The following GREM2 variants were observed in gnomAD, a reference collection of about 807,000 sequenced individuals.
GREM2 encodes the protein gremlin 2, DAN family BMP antagonist.
In GREM2, 11 loss-of-function variants were observed where a neutral mutation model predicts 14.2. That is an observed-to-expected ratio of 0.78 (90% CI 0.49 to 1.28). GREM2 has a LOEUF of 1.28. GREM2 is among the 50% of genes most tolerant of loss of function. GREM2 has a pLI of 0.00. For missense variants in GREM2, 210 were observed against 218.5 expected (o/e 0.96, Z 0.24); for synonymous variants, 98 against 97.6 (o/e 1.00, Z -0.02).
chr1:240,530,892 A>G (rs190834576), intron 1 of GREM2: 2 of 121,514 alleles, frequency 1.6e-5, no homozygotes, highest in African/African-American at 5.8e-5. Context: ...ATAGTAAAAA[A>G]CGAAGGAAAT....
At chr1:240,570,275 A>G (rs956770053) in intron 1 of GREM2, among the ~76,000 whole-genome samples, 21 of 152,154 alleles carry the variant, frequency 1.4e-4, no homozygotes, top group Non-Finnish European at 1.3e-4. Flanking sequence ...CATCCTGGCC[A>G]ACATGGTGAA....
chr1:240,565,363 G>A (rs1197364664), intron 1 of GREM2, among the ~76,000 whole-genome samples: 2 of 152,098 alleles, frequency 1.3e-5, no homozygotes, highest in Non-Finnish European at 2.9e-5. Flanking sequence ...GCCAAAATTT[G>A]ACTGTAACAT....
intron 1 of GREM2, chr1:240,590,636 G>C (rs1216399552): frequency 6.6e-6 from 1 of 151,650 alleles, no homozygotes; most frequent in Non-Finnish European, 1.5e-5. Flanking sequence ...ACCATGTTGG[G>C]CAGGTGACCA....
intron 1 of GREM2, among the ~76,000 whole-genome samples, chr1:240,607,741 C>T (rs527750019): frequency 6.6e-6 from 1 of 152,322 alleles, no homozygotes; most frequent in South Asian, 2.1e-4. Context: ...ATCAAATCCA[C>T]TCCTGTGGAT....
At position 240,540,270 on chromosome 1, in the gene GREM2, C is replaced by G. The variant is rs951078970; in HGVS notation, c.-1-46794G>C. 1.3e-5 allele frequency among the ~76,000 whole-genome samples: 2 copies of G among 152,130 alleles called. No homozygotes were observed. The highest frequency in any genetic ancestry group is 2.9e-5 in the Non-Finnish European group (2 of 68,026). On this transcript the variant is annotated intron_variant, in intron 1 of 1. Coordinates refer to ENST00000318160, the MANE Select transcript of GREM2 (RefSeq NM_022469.4). This position sits in a 1 kb window ranked among gnomAD's most constrained non-coding sequence, Gnocchi z 4.2. Reference sequence around the variant, plus strand: ...ATTTGCTAGCTTTCTACTAATTGCCCTAATTTTCTTTGTCTAGACTAACTT... The same window carrying G: ...ATTTGCTAGCTTTCTACTAATTGCCGTAATTTTCTTTGTCTAGACTAACTT...
intron 1 of GREM2, among the ~76,000 whole-genome samples, chr1:240,597,829 T>TTG (rs936581291): frequency 6.6e-6 from 1 of 152,170 alleles, no homozygotes; most frequent in Non-Finnish European, 1.5e-5. Flanking sequence ...CCCAAGTTGC[T>TTG]CATCTTTTCA....
At chr1:240,580,196 G>C (rs1260219030) in intron 1 of GREM2, among the ~76,000 whole-genome samples, 1 of 152,102 alleles carries the variant, frequency 6.6e-6, no homozygotes, top group East Asian at 1.9e-4. Flanking sequence ...TTCGAGACCA[G>C]CCTGGACCAC....
chr1:240,529,183 G>A (rs1678294116), intron 1 of GREM2, among the ~76,000 whole-genome samples: 1 of 147,082 alleles, frequency 6.8e-6, no homozygotes, highest in Admixed American at 6.8e-5. Context: ...ACCCAATGAT[G>A]TCATTAAAAT....
chr1:240,559,816 C>T (rs1326575274), intron 1 of GREM2, among the ~76,000 whole-genome samples: 1 of 152,148 alleles, frequency 6.6e-6, no homozygotes, highest in Non-Finnish European at 1.5e-5. Flanking sequence ...CTCCCAAATG[C>T]TCATATTGGA....
rs371694788 is a variant in GREM2, at chr1:240,493,446, G to C, written c.30C>G (p.Phe10Leu). 2 of 1,610,380 alleles carry C rather than the reference G, an allele frequency of 1.2e-6. No homozygotes were observed. The highest frequency in any genetic ancestry group is 1.3e-5 in the African/African-American group (1 of 75,034). Residue 10 changes from phenylalanine (F) to leucine (L), a missense_variant, in exon 2 of 2, where the codon TTC (phenylalanine) becomes TTG (leucine). Phe to Leu is a conservative substitution (Grantham distance 22, BLOSUM62 0). Coordinates refer to ENST00000318160, the MANE Select transcript of GREM2 (RefSeq NM_022469.4). ...CCACCTTCACCAGCACCGCCACCAG[G>C]AACAAGGACAGGGAAAGCTTCCAGA... The part of the protein sequence containing the change: MFWKLSLSL[F>L]LVAVLVKVAE...
chr1:240,571,135 T>C (rs997820600), intron 1 of GREM2, among the ~76,000 whole-genome samples: 1 of 152,212 alleles, frequency 6.6e-6, no homozygotes, highest in East Asian at 1.9e-4. Flanking sequence ...TTCTACTTCA[T>C]GTAAAAAAAC....
chr1:240,605,747 C>T (rs1680012705), intron 1 of GREM2, among the ~76,000 whole-genome samples: 1 of 151,788 alleles, frequency 6.6e-6, no homozygotes, highest in Non-Finnish European at 1.5e-5. Flanking sequence ...AGCGTGCATT[C>T]CAGGTTGTTA....
At chr1:240,593,571 C>T (rs889544394) in intron 1 of GREM2, among the ~76,000 whole-genome samples, 2 of 152,138 alleles carry the variant, frequency 1.3e-5, no homozygotes, top group African/African-American at 2.4e-5. Context: ...TAATCAGCAA[C>T]GTATGTGTCA....
At chr1:240,584,494 C>CA (rs35785335) in intron 1 of GREM2, among the ~76,000 whole-genome samples, 1,323 of 73,278 alleles carry the variant, frequency 0.018, 15 homozygotes, top group Middle Eastern at 0.034. Flanking sequence ...GACTCCATCT[C>CA]AAAAAAAAAA....
chr1:240,607,041 A>C (rs1680039541), intron 1 of GREM2, among the ~76,000 whole-genome samples: 1 of 152,204 alleles, frequency 6.6e-6, no homozygotes, highest in African/African-American at 2.4e-5. Flanking sequence ...AGTCTTAGTA[A>C]TGTCATCTGT....
intron 1 of GREM2, among the ~76,000 whole-genome samples, chr1:240,564,413 C>A (rs1035543091): frequency 2.7e-5 from 4 of 150,576 alleles, no homozygotes; most frequent in African/African-American, 9.8e-5. Flanking sequence ...GAGGCTGAAG[C>A]AGGAGGATCA....
intron 1 of GREM2, among the ~76,000 whole-genome samples, chr1:240,539,715 A>G (rs1678545667): frequency 1.3e-5 from 2 of 152,210 alleles, no homozygotes; most frequent in Admixed American, 6.5e-5. Context: ...TTGACTCCTC[A>G]TGTTCAACTC....
intron 1 of GREM2, among the ~76,000 whole-genome samples, chr1:240,525,572 G>A (rs1339447366): frequency 6.6e-6 from 1 of 151,922 alleles, no homozygotes; most frequent in Non-Finnish European, 1.5e-5. Context: ...TCCGCCTCCC[G>A]GGTTCAAGCG....
At chr1:240,547,499 C>CAAAAAA (rs200373636) in intron 1 of GREM2, among the ~76,000 whole-genome samples, 1 of 87,608 alleles carries the variant, frequency 1.1e-5, no homozygotes, top group African/African-American at 4.8e-5. Flanking sequence ...GACTCCATCT[C>CAAAAAA]AAAAAAAAAA....
Sources: gnomAD v4.1 joint callset for allele counts (sites outside exome capture counted in the v4.1 genomes callset) on GRCh38, gnomAD v4.1.1 for gene constraint, Gnocchi (gnomAD v3.1) non-coding constraint, MANE v1.5 for transcripts, NCBI Gene and HGNC (gene_info 2026-07-23, HGNC 2026-07-21) for gene names.